DENND4C: variants seen among roughly 807,000 people sequenced by gnomAD.
The protein encoded by DENND4C is DENN domain containing 4C.
Under a neutral mutation model 203.0 loss-of-function variants are expected in DENND4C, and 108 were observed. The ratio of observed to expected loss-of-function variants is 0.53; its 90% CI spans 0.46 to 0.62. DENND4C has a LOEUF of 0.62. Ranked by LOEUF, DENND4C falls within the 20% of genes least tolerant of loss-of-function variation. The pLI, the probability that DENND4C is intolerant of heterozygous loss-of-function variation, is 0.00. For missense variants in DENND4C, 2,481 were observed against 2,301.2 expected, an observed-to-expected ratio of 1.08 and a Z score of -1.60; for synonymous variants, 871 against 792.4, an observed-to-expected ratio of 1.10 and a Z score of -1.67.
intron 2 of DENND4C, among the ~76,000 whole-genome samples, chr9:19,280,826 C>T (rs753193591): frequency 7.9e-5 from 12 of 152,008 alleles, no homozygotes; most frequent in Non-Finnish European, 1.5e-4. Context: ...CTGCAGCCTC[C>T]GCCTTCTGGG....
intron 1 of DENND4C, among the ~76,000 whole-genome samples, chr9:19,269,983 C>G (rs1831296552): frequency 6.6e-6 from 1 of 152,178 alleles, no homozygotes; most frequent in African/African-American, 2.4e-5. Flanking sequence ...TTAGGGAGCA[C>G]CTTAAGCCCA....
At position 19,357,836 on chromosome 9, in the gene DENND4C, C is replaced by A; in HGVS notation, c.4965-129C>A. 3 of 724,278 alleles carry A rather than the reference C, an allele frequency of 4.1e-6. No homozygotes were observed. The East Asian group carries it at 8.3e-5, about 20-fold the overall frequency. 44.9% of individuals were successfully genotyped at this position (724,278 alleles called of 1,614,324 possible). ...ATGGTTGAAGGAAATGCAATTCTTACAAGGTGGTGCTGATTCTTCTTAGAT... is the reference window on the plus strand; with the variant it reads ...ATGGTTGAAGGAAATGCAATTCTTAAAAGGTGGTGCTGATTCTTCTTAGAT... On this transcript the variant is annotated intron_variant, in intron 27 of 32. Coordinates refer to ENST00000434457, the MANE Select transcript of DENND4C (RefSeq NM_001330640.2).
At chr9:19,360,145 G>A (rs1284378211) in intron 28 of DENND4C, 99 bp from the exon 29 acceptor site, 6 of 1,260,326 alleles carry the variant, frequency 4.8e-6, no homozygotes, top group Non-Finnish European at 6.7e-6. Flanking sequence ...TAAAATAACT[G>A]ATTTAAAAAG....
intron 32 of DENND4C, 25 bp downstream of exon 32, chr9:19,371,845 G>C (rs772906922): frequency 7.2e-7 from 1 of 1,390,484 alleles, no homozygotes; most frequent in Non-Finnish European, 1.0e-6. Flanking sequence ...AAAAGATTAT[G>C]AAAGGAAGTT....
intron 1 of DENND4C, among the ~76,000 whole-genome samples, chr9:19,251,258 C>T (rs1413234375): frequency 6.6e-6 from 1 of 152,270 alleles, no homozygotes; most frequent in African/African-American, 2.4e-5. Flanking sequence ...CTTGCACCCT[C>T]TGAAACCATG....
chr9:19,365,540 A>T (rs1014993111), intron 30 of DENND4C, among the ~76,000 whole-genome samples: 16 of 152,262 alleles, frequency 1.1e-4, no homozygotes, highest in African/African-American at 3.9e-4. Flanking sequence ...AGCTAGAGTA[A>T]TTAGTCAAGA....
chr9:19,234,582 G>C (rs1469243552), intron 1 of DENND4C, among the ~76,000 whole-genome samples: 1 of 135,418 alleles, frequency 7.4e-6, no homozygotes, highest in Non-Finnish European at 1.5e-5. Context: ...ACCTAGGCTA[G>C]AGTGCAGTGC....
At chr9:19,301,383 A>G (rs895447055) in intron 9 of DENND4C, among the ~76,000 whole-genome samples, 1 of 152,188 alleles carries the variant, frequency 6.6e-6, no homozygotes, top group Admixed American at 6.5e-5. Flanking sequence ...TTACTCCTGT[A>G]TTTTCAGCAC....
Position 19,314,068 on chromosome 9 carries a change from C to T in DENND4C, c.1488-2349C>T, listed in dbSNP as rs143597013. ...CTCCACTGCAGCCTGGGCAACAGAA[C>T]GAGACTTCCCCTCAAGAGAGGGGAA... On this transcript the variant is annotated intron_variant, in intron 10 of 32. Transcript: ENST00000434457. 4.8e-4 allele frequency among the ~76,000 whole-genome samples: 73 copies of T among 151,234 alleles called. No homozygotes were observed. The East Asian group carries it at 5.7e-3, about 12-fold the overall frequency.
chr9:19,312,816 A>C (rs1420570777), intron 10 of DENND4C, among the ~76,000 whole-genome samples: 1 of 152,172 alleles, frequency 6.6e-6, no homozygotes, highest in African/African-American at 2.4e-5. Context: ...AAAAAAAATC[A>C]CTGATGCTCT....
At chr9:19,241,817 G>T (rs1823808903) in intron 1 of DENND4C, among the ~76,000 whole-genome samples, 1 of 151,722 alleles carries the variant, frequency 6.6e-6, no homozygotes, top group South Asian at 2.1e-4. Flanking sequence ...CAGGAGATTG[G>T]GACCAGCCTG....
chr9:19,351,863 C>T (rs1824218350), intron 24 of DENND4C, among the ~76,000 whole-genome samples: 2 of 151,328 alleles, frequency 1.3e-5, no homozygotes, highest in African/African-American at 2.4e-5. Context: ...TTGAAAGAAT[C>T]GTATAATGAA....
intron 9 of DENND4C, 100 bp from the exon 10 acceptor site, chr9:19,305,250 CTT>C (rs1839432202): frequency 1.0e-6 from 1 of 999,570 alleles, no homozygotes; most frequent in Non-Finnish European, 1.4e-6. Context: ...ACAAAACAGA[CTT>C]AACTGCTTTT....
intron 1 of DENND4C, among the ~76,000 whole-genome samples, chr9:19,256,630 A>T (rs1828039678): frequency 6.6e-6 from 1 of 151,540 alleles, no homozygotes; most frequent in Non-Finnish European, 1.5e-5. Flanking sequence ...TTTTCTTTAA[A>T]TTTTATTTTT....
At chr9:19,328,545 G>A (rs1263305740) in intron 16 of DENND4C, among the ~76,000 whole-genome samples, 1 of 152,110 alleles carries the variant, frequency 6.6e-6, no homozygotes, top group Non-Finnish European at 1.5e-5. Flanking sequence ...CCTGGGTGAT[G>A]CAGGTTGCAG....
At position 19,357,098 on chromosome 9, in the gene DENND4C, C is replaced by G. The variant is rs760916434; in HGVS notation, c.4908C>G (p.Asp1636Glu). 7 of 1,613,908 alleles carry G rather than the reference C, an allele frequency of 4.3e-6. No homozygotes were observed. In the South Asian group the frequency reaches 7.7e-5, roughly 18 times the overall value. Residue 1636 changes from aspartate to glutamate, a missense_variant, in exon 27 of 33, where the codon GAC (aspartate) becomes GAG (glutamate). This residue lies in a region of DENND4C where 2,289 missense variants were observed against 2,113.3 expected (regional missense o/e 1.08). Transcript: ENST00000434457. ...LAEPDLINFM[D>E]FPKHNQIITE... is the part of the protein sequence containing the mutation. ...AACCTGACTTGATCAACTTTATGGACTTCCCAAAACATAACCAGATCATAA... is the reference window on the plus strand; with the variant it reads ...AACCTGACTTGATCAACTTTATGGAGTTCCCAAAACATAACCAGATCATAA...
At chr9:19,341,664 G>A (rs892682242) in intron 21 of DENND4C, among the ~76,000 whole-genome samples, 1 of 152,040 alleles carries the variant, frequency 6.6e-6, no homozygotes, top group African/African-American at 2.4e-5. Context: ...AGGGAAGTGT[G>A]ACCCATTGAG....
At position 19,342,689 on chromosome 9, in the gene DENND4C, C is replaced by T. The variant is rs1283492729; in HGVS notation, c.3061C>T (p.His1021Tyr). ...ACATTCACAACCTAGTCCAGAGCCT[C>T]ACAGTCCTACTGAACCTCCTGCATG... ...AKHSQPSPEP[H>Y]SPTEPPAWGS... The change falls in exon 22 of 33, where the codon CAC becomes TAC. Residue 1021 changes from histidine to tyrosine, a missense_variant. Physicochemically the swap from His to Tyr is moderately conservative, Grantham distance 83. Around this residue, in one of 3 missense-constraint regions of DENND4C, gnomAD observed 2,289 missense variants for 2,113.3 expected, o/e 1.08. Transcript: ENST00000434457. The T allele has an allele frequency of 1.2e-6, 2 of 1,613,478 alleles. No homozygotes were observed. Among genetic ancestry groups the T allele is most frequent in the Non-Finnish European group, 1.7e-6 (2 of 1,179,706 alleles).
chr9:19,293,329 C>A (rs1040435993), intron 5 of DENND4C, among the ~76,000 whole-genome samples: 1 of 152,046 alleles, frequency 6.6e-6, no homozygotes, highest in Non-Finnish European at 1.5e-5. Flanking sequence ...ACTTTGAGAT[C>A]ACTTTGAAAT....
Sources: gnomAD v4.1 joint callset for allele counts (sites outside exome capture counted in the v4.1 genomes callset) on GRCh38, gnomAD v4.1.1 for gene constraint, gnomAD v4.1.1 regional missense constraint, MANE v1.5 for transcripts, NCBI Gene and HGNC (gene_info 2026-07-23, HGNC 2026-07-21) for gene names.